The following CSMD1 variants were observed in gnomAD, a reference collection of about 807,000 sequenced individuals.
CSMD1 encodes the protein CUB and sushi domain-containing protein 1.
A neutral mutation model predicts 417.5 loss-of-function variants in CSMD1; 213 were observed. The ratio of observed to expected loss-of-function variants is 0.51; its 90% CI spans 0.46 to 0.57. The LOEUF is 0.57. Ranked by LOEUF, CSMD1 falls within the 20% of genes least tolerant of loss-of-function variation. CSMD1 has a pLI of 0.00. For missense variants in CSMD1, 6,923 were observed against 4,529.7 expected (o/e 1.53, Z -15.17); for synonymous variants, 2,862 against 1,736.8 (o/e 1.65, Z -16.11).
At chr8:3,466,823 G>T (rs1816817209) in intron 12 of CSMD1, among the ~76,000 whole-genome samples, 1 of 152,042 alleles carries the variant, frequency 6.6e-6, no homozygotes, top group African/African-American at 2.4e-5. Context: ...TAAGTGATTT[G>T]CACTTTGTCT....
chr8:3,634,197 TAGGCCACAGCAG>T (rs1486497599), intron 7 of CSMD1, among the ~76,000 whole-genome samples: 1 of 152,154 alleles, frequency 6.6e-6, no homozygotes, highest in Non-Finnish European at 1.5e-5. Context: ...CTGGGGACCT[TAGGCCACAGCAG>T]ATAGTCTATG....
chr8:3,135,462 CGGCTTCTTCCCCTTT>C (rs1818020822), intron 41 of CSMD1, among the ~76,000 whole-genome samples: 1 of 143,868 alleles, frequency 7.0e-6, no homozygotes, highest in Non-Finnish European at 1.5e-5. Context: ...CTCTGTGAAC[CGGCTTCTTCCCCTTT>C]AAAACATGCT....
chr8:3,290,128 G>T (rs973378980), intron 25 of CSMD1, among the ~76,000 whole-genome samples: 1 of 146,758 alleles, frequency 6.8e-6, no homozygotes, highest in African/African-American at 2.7e-5. Context: ...TCAAAGATCA[G>T]ATAGTTGTAG....
intron 2 of CSMD1, among the ~76,000 whole-genome samples, chr8:4,547,364 G>C (rs190662784): frequency 6.6e-6 from 1 of 152,134 alleles, no homozygotes; most frequent in Non-Finnish European, 1.5e-5. Flanking sequence ...TCTAAAACAC[G>C]TATCTGAAAA....
intron 5 of CSMD1, among the ~76,000 whole-genome samples, chr8:3,985,759 T>G (rs1585082182): frequency 1.6e-5 from 1 of 60,624 alleles, no homozygotes; most frequent in Non-Finnish European, 3.5e-5. Context: ...TAAAGTGATT[T>G]TTTTTTTTTT....
intron 5 of CSMD1, among the ~76,000 whole-genome samples, chr8:3,954,169 C>G (rs1318845674): frequency 6.6e-6 from 1 of 152,160 alleles, no homozygotes; most frequent in East Asian, 1.9e-4. Context: ...AACTTCAGCC[C>G]TTGCATCCTC....
At chr8:3,353,632 G>A (rs1238244920) in intron 21 of CSMD1, among the ~76,000 whole-genome samples, 1 of 152,282 alleles carries the variant, frequency 6.6e-6, no homozygotes, top group African/African-American at 2.4e-5. Context: ...CAAGAGTTAA[G>A]TGACCAAAAT....
In CSMD1 at chr8:4,672,733, G is replaced by A. The variant is rs116068872; in HGVS notation, c.86-35175C>T. Among the ~76,000 whole-genome samples the A allele has an allele frequency of 2.5e-3, 381 of 151,142 alleles. 5 individuals are homozygous for A. Among genetic ancestry groups the A allele is most frequent in the African/African-American group, 8.9e-3 (365 of 41,190 alleles). On this transcript the variant is annotated intron_variant, in intron 1 of 69. Coordinates refer to ENST00000635120, the MANE Select transcript of CSMD1 (RefSeq NM_033225.6). ...ATGCACACATGGTGACACAACACAC[G>A]CACTCTCATACAGTGACATACCCAG...
chr8:4,425,347 G>C (rs1283568378), intron 2 of CSMD1, among the ~76,000 whole-genome samples: 1 of 146,344 alleles, frequency 6.8e-6, no homozygotes, highest in Non-Finnish European at 1.5e-5. Context: ...TCAAATAGCT[G>C]CAATGAAATG....
intron 42 of CSMD1, among the ~76,000 whole-genome samples, chr8:3,116,347 C>T (rs1816869131): frequency 6.9e-6 from 1 of 145,610 alleles, no homozygotes; most frequent in Non-Finnish European, 1.5e-5. Context: ...TAGTAAAGAA[C>T]TTGGCATGGA....
intron 3 of CSMD1, among the ~76,000 whole-genome samples, chr8:4,090,050 G>C (rs998609369): frequency 6.6e-6 from 1 of 152,144 alleles, no homozygotes; most frequent in Non-Finnish European, 1.5e-5. Context: ...TTTATCATAG[G>C]ACATGTAAAT....
chr8:4,892,843 T>C (rs1804216157), intron 1 of CSMD1, among the ~76,000 whole-genome samples: 1 of 152,146 alleles, frequency 6.6e-6, no homozygotes, highest in Non-Finnish European at 1.5e-5. Context: ...AAACACACCT[T>C]AATTTATTTA....
At chr8:4,888,407 C>A (rs1472009930) in intron 1 of CSMD1, among the ~76,000 whole-genome samples, 3 of 151,640 alleles carry the variant, frequency 2.0e-5, no homozygotes, top group South Asian at 2.1e-4. Context: ...ATTTCCCATT[C>A]TTTCATTCAA....
Position 3,000,885 on chromosome 8 carries a change from T to G in CSMD1, c.8030-754A>C, listed in dbSNP as rs58351930. Reference sequence around the variant, plus strand: ...GGAGACAGAATGTCCATGTAGATAGTAAAACAATTGACAAACATGGCATTG... The same window carrying G: ...GGAGACAGAATGTCCATGTAGATAGGAAAACAATTGACAAACATGGCATTG... On this transcript the variant is annotated intron_variant, in intron 52 of 69. Coordinates refer to ENST00000635120, the MANE Select transcript of CSMD1 (RefSeq NM_033225.6). Among the ~76,000 whole-genome samples the G allele has an allele frequency of 1.1e-4, 16 of 152,268 alleles. No homozygotes were observed. In the South Asian group the frequency reaches 3.1e-3, roughly 30 times the overall value.
chr8:3,579,965 G>A (rs1436708989), intron 9 of CSMD1, among the ~76,000 whole-genome samples: 2 of 152,052 alleles, frequency 1.3e-5, no homozygotes, highest in African/African-American at 4.8e-5. Flanking sequence ...TTAGCTGGGT[G>A]TGGTGGCAGG....
intron 2 of CSMD1, among the ~76,000 whole-genome samples, chr8:4,427,568 T>C (rs1176607104): frequency 6.6e-6 from 1 of 152,022 alleles, no homozygotes; most frequent in East Asian, 1.9e-4. Context: ...TCTTACCAGA[T>C]TAAAATGTCC....
In CSMD1 at chr8:4,456,389, G is replaced by C. The variant is rs1652553; in HGVS notation, c.303-36324C>G. On this transcript the variant is annotated intron_variant, in intron 2 of 69. Transcript: ENST00000635120. ...TATCTGTCACTAATCAAATAGCTAG[G>C]TATCAAAGACAAGATATCGACTTCT... is the stretch of plus-strand genomic sequence containing the variant. 1.8e-3 allele frequency among the ~76,000 whole-genome samples: 270 copies of C among 152,216 alleles called. 1 individual carries two copies. The highest frequency in any genetic ancestry group is 6.3e-3 in the African/African-American group (261 of 41,520).
At chr8:4,672,035 A>T (rs1453167048) in intron 1 of CSMD1, among the ~76,000 whole-genome samples, 1 of 152,142 alleles carries the variant, frequency 6.6e-6, no homozygotes, top group Admixed American at 6.6e-5. Context: ...CAGTGATGAC[A>T]CCAAGGCAGT....
intron 12 of CSMD1, among the ~76,000 whole-genome samples, chr8:3,416,705 T>C (rs1018665228): frequency 2.1e-4 from 32 of 152,158 alleles, no homozygotes; most frequent in African/African-American, 7.5e-4. Flanking sequence ...CTCATGTTGA[T>C]GGCATGTCAG....
Sources: allele counts gnomAD v4.1 joint callset (sites outside exome capture counted in the v4.1 genomes callset), GRCh38; gene constraint gnomAD v4.1.1; transcripts MANE v1.5; gene names NCBI Gene and HGNC (gene_info 2026-07-23, HGNC 2026-07-21).